Variants in SOX5 observed in about 807,000 individuals in gnomAD.
The protein encoded by SOX5 is transcription factor SOX-5.
In SOX5, 9 loss-of-function variants were observed where a neutral mutation model predicts 92.0. That is an observed-to-expected ratio of 0.10 (90% CI 0.06 to 0.17). SOX5 has a LOEUF of 0.17. Ranked by LOEUF, SOX5 falls within the 10% of genes least tolerant of loss-of-function variation. The pLI is 1.00. For missense variants in SOX5, 642 were observed against 944.5 expected, an observed-to-expected ratio of 0.68 and a Z score of 4.20; for synonymous variants, 344 against 336.3, an observed-to-expected ratio of 1.02 and a Z score of -0.25.
At position 23,533,107 on chromosome 12, in the gene SOX5, A is replaced by C. The variant is rs1470943505; in HGVS notation, c.*1112T>G. The C allele has an allele frequency of 4.4e-6, 2 of 453,084 alleles. No individual in the cohort carries two copies. The highest frequency in any genetic ancestry group is 4.8e-5 in the Admixed American group (2 of 42,090). The allele number at this position is 453,084 out of a possible 1,614,324, so 28.1% of individuals were successfully genotyped here. ...AATTTCTGAGCCCTATACTTGGTTAAGTTGTCATTTGAAGTGCAAAGTCAA... is the reference window on the plus strand; with the variant it reads ...AATTTCTGAGCCCTATACTTGGTTACGTTGTCATTTGAAGTGCAAAGTCAA... On this transcript the variant is annotated 3_prime_UTR_variant, in exon 15 of 15. Coordinates refer to ENST00000451604, the MANE Select transcript of SOX5 (RefSeq NM_006940.6).
rs149083454 is a variant in SOX5, at chr12:23,653,182, C to T, written c.931+12262G>A. Among the ~76,000 whole-genome samples, 3 of 152,112 alleles carry T rather than the reference C, an allele frequency of 2.0e-5. No individual in the cohort carries two copies. The East Asian group carries it at 5.8e-4, about 29-fold the overall frequency. ...TATTTCCCTGAATTGGTCTCATGTC[C>T]TCAAAGTACTACTCACTTGTCACTT... On this transcript the variant is annotated intron_variant, in intron 7 of 14. Coordinates refer to ENST00000451604, the MANE Select transcript of SOX5 (RefSeq NM_006940.6).
chr12:24,257,609 CA>C (rs1057075644), intron 3 of SOX5, among the ~76,000 whole-genome samples: 2 of 152,048 alleles, frequency 1.3e-5, no homozygotes, highest in African/African-American at 4.8e-5. Flanking sequence ...GCTAGGATTA[CA>C]GGCACGCACC....
At chr12:23,933,275 T>A (rs1431787037) in intron 1 of SOX5, among the ~76,000 whole-genome samples, 1 of 151,660 alleles carries the variant, frequency 6.6e-6, no homozygotes, top group African/African-American at 2.4e-5. Flanking sequence ...TTACCCACGC[T>A]ATATATCCTG....
chr12:23,683,685 A>G (rs1421666930), intron 6 of SOX5, among the ~76,000 whole-genome samples: 1 of 151,988 alleles, frequency 6.6e-6, no homozygotes. Flanking sequence ...TTGATCAGCA[A>G]TAGAAAGCTA....
At chr12:23,928,992 T>C (rs1940749819) in intron 1 of SOX5, among the ~76,000 whole-genome samples, 1 of 150,832 alleles carries the variant, frequency 6.6e-6, no homozygotes, top group Non-Finnish European at 1.5e-5. Flanking sequence ...GAAAGAAAAT[T>C]ATAATAAATT....
At chr12:24,374,009 A>G (rs1214396567) in intron 1 of SOX5, among the ~76,000 whole-genome samples, 1 of 151,882 alleles carries the variant, frequency 6.6e-6, no homozygotes, top group Non-Finnish European at 1.5e-5. Flanking sequence ...AAGATCTCCA[A>G]GATATGTCCC....
At chr12:23,990,558 T>C (rs1449022140) in intron 4 of SOX5, among the ~76,000 whole-genome samples, 1 of 152,172 alleles carries the variant, frequency 6.6e-6, no homozygotes, top group African/African-American at 2.4e-5. Flanking sequence ...AAACCTTCTC[T>C]AGTTTTCCAC....
At chr12:24,425,760 T>C (rs907494222) in intron 1 of SOX5, among the ~76,000 whole-genome samples, 2 of 152,150 alleles carry the variant, frequency 1.3e-5, no homozygotes, top group African/African-American at 4.8e-5. Flanking sequence ...TAGCAACAAG[T>C]ACATGAGTCA....
At chr12:23,657,512 TAA>T (rs1049977550) in intron 7 of SOX5, among the ~76,000 whole-genome samples, 1 of 152,190 alleles carries the variant, frequency 6.6e-6, no homozygotes, top group Admixed American at 6.5e-5. Context: ...TCTTATGACA[TAA>T]GTTTGCCTTC....
intron 4 of SOX5, among the ~76,000 whole-genome samples, chr12:24,055,616 G>A (rs1958013270): frequency 6.6e-6 from 1 of 152,206 alleles, no homozygotes; most frequent in Admixed American, 6.5e-5. Flanking sequence ...AGGGTTCTTA[G>A]AATCATCAAA....
At chr12:24,373,091 C>G (rs1402309355) in intron 1 of SOX5, among the ~76,000 whole-genome samples, 1 of 151,596 alleles carries the variant, frequency 6.6e-6, no homozygotes, top group South Asian at 2.1e-4. Context: ...GCACTCCAAC[C>G]TCAGTAACAA....
intron 4 of SOX5, among the ~76,000 whole-genome samples, chr12:23,971,506 T>A (rs999327546): frequency 1.3e-5 from 2 of 150,854 alleles, no homozygotes; most frequent in Non-Finnish European, 3.0e-5. Flanking sequence ...TTGCCTACAG[T>A]GGAGAGGTTT....
intron 1 of SOX5, among the ~76,000 whole-genome samples, chr12:24,374,391 A>G (rs1360313851): frequency 6.6e-6 from 1 of 152,164 alleles, no homozygotes; most frequent in East Asian, 1.9e-4. Flanking sequence ...AAAGGAAGGA[A>G]AACGTCTGGA....
At chr12:24,552,937 T>C (rs933091564) in intron 1 of SOX5, among the ~76,000 whole-genome samples, 1 of 141,682 alleles carries the variant, frequency 7.1e-6, no homozygotes, top group African/African-American at 2.8e-5. Context: ...GAGGCCGAGG[T>C]AGGAGGATCA....
chr12:23,871,003 A>AT (rs1399765786), intron 2 of SOX5, among the ~76,000 whole-genome samples: 1 of 152,134 alleles, frequency 6.6e-6, no homozygotes, highest in Non-Finnish European at 1.5e-5. Context: ...TGTAACAGAA[A>AT]TACTTAACTA....
intron 6 of SOX5, among the ~76,000 whole-genome samples, chr12:23,692,456 A>G (rs1331105091): frequency 6.8e-6 from 1 of 147,288 alleles, no homozygotes; most frequent in African/African-American, 2.5e-5. Flanking sequence ...AAAAAAAAAG[A>G]TTTATATTTT....
At chr12:24,060,114 T>C (rs921892918) in intron 4 of SOX5, among the ~76,000 whole-genome samples, 16 of 152,188 alleles carry the variant, frequency 1.1e-4, no homozygotes, top group Non-Finnish European at 1.9e-4. Context: ...TATCATACTT[T>C]TATAGTAAGT....
chr12:24,537,587 T>C (rs1012209066), intron 1 of SOX5, among the ~76,000 whole-genome samples: 11 of 152,210 alleles, frequency 7.2e-5, no homozygotes, highest in African/African-American at 2.4e-4. Flanking sequence ...CAATGCAGTC[T>C]CATTCAAGGA....
intron 3 of SOX5, among the ~76,000 whole-genome samples, chr12:24,213,968 T>C (rs545276339): frequency 3.6e-4 from 54 of 151,826 alleles, no homozygotes; most frequent in Non-Finnish European, 7.2e-4. Context: ...ATATATAATG[T>C]AATATTACTT....
Sources: gnomAD v4.1 joint callset for allele counts (sites outside exome capture counted in the v4.1 genomes callset) on GRCh38, gnomAD v4.1.1 for gene constraint, MANE v1.5 for transcripts, NCBI Gene and HGNC (gene_info 2026-07-23, HGNC 2026-07-21) for gene names.